The following HELZ variants were observed in gnomAD, a reference collection of about 807,000 sequenced individuals.
HELZ encodes helicase with zinc finger, also known as ATP-dependent RNA helicase with zinc finger domain.
Under a neutral mutation model 218.2 loss-of-function variants are expected in HELZ, and 23 were observed. That is an observed-to-expected ratio of 0.11 (90% CI 0.08 to 0.15). HELZ has a LOEUF of 0.15. HELZ is among the 10% of genes least tolerant of loss of function. The pLI, the probability that HELZ is intolerant of heterozygous loss-of-function variation, is 1.00. For missense variants in HELZ, 1,813 were observed against 2,353.7 expected (o/e 0.77, Z 4.75); for synonymous variants, 814 against 829.4 (o/e 0.98, Z 0.32).
chr17:67,099,241 A>C (rs768595861), intron 31 of HELZ, among the ~76,000 whole-genome samples: 2 of 152,072 alleles, frequency 1.3e-5, no homozygotes, highest in Non-Finnish European at 2.9e-5. Context: ...TTCTACATAC[A>C]TCTTCAGCCA....
intron 27 of HELZ, 25 bp from the exon 28 acceptor site, chr17:67,114,428 A>G (rs373479961): frequency 1.3e-5 from 19 of 1,420,298 alleles, no homozygotes; most frequent in East Asian, 4.6e-5. Context: ...AAAAATCCTT[A>G]TAAGTTTTCT....
intron 5 of HELZ, 23 bp downstream of exon 5, chr17:67,215,876 T>G (rs905504087): frequency 2.7e-6 from 4 of 1,480,080 alleles, no homozygotes; most frequent in Non-Finnish European, 3.8e-6. Context: ...ATTCAATAAT[T>G]CGAGTCTCAT....
intron 27 of HELZ, 42 bp downstream of exon 27, chr17:67,120,363 G>T: frequency 1.3e-6 from 2 of 1,500,076 alleles, no homozygotes; most frequent in Non-Finnish European, 1.9e-6. Flanking sequence ...AACTTTACCT[G>T]TCATCAGTTT....
chr17:67,158,870 G>A (rs1054964847), intron 17 of HELZ, among the ~76,000 whole-genome samples: 11 of 152,012 alleles, frequency 7.2e-5, no homozygotes, highest in African/African-American at 1.4e-4. Flanking sequence ...GTCGAGTGAC[G>A]GATTTAGTGT....
At chr17:67,184,091 T>C in intron 12 of HELZ, among the ~76,000 whole-genome samples, 1 of 152,160 alleles carries the variant, frequency 6.6e-6, no homozygotes, top group South Asian at 2.1e-4. Context: ...TTTAGTTCAA[T>C]ACTTAACAAT....
intron 3 of HELZ, among the ~76,000 whole-genome samples, chr17:67,235,996 C>T (rs906895883): frequency 6.6e-6 from 1 of 151,922 alleles, no homozygotes; most frequent in Non-Finnish European, 1.5e-5. Context: ...TCCTGACCTC[C>T]TGATCCGCCC....
rs2037165636 is a variant in HELZ at position 67,108,179 on chromosome 17, G to A, written c.4724+313C>T. Among the ~76,000 whole-genome samples the A allele has an allele frequency of 6.6e-6, 1 of 152,150 alleles. No homozygotes were observed. Among genetic ancestry groups the A allele is most frequent in the South Asian group, 2.1e-4 (1 of 4,826 alleles). On this transcript the variant is annotated intron_variant, in intron 30 of 32. Coordinates refer to ENST00000358691, the MANE Select transcript of HELZ (RefSeq NM_014877.4). This position sits in a 1 kb window ranked among gnomAD's most constrained non-coding sequence, Gnocchi z 4.1. The stretch of plus-strand genomic sequence containing the variant: ...TCCTGTCTTTATTCATTCTTTGCAA[G>A]TATTACTACTAAATAAAAAAAGCTG...
chr17:67,112,549 C>T (rs1866052977), intron 28 of HELZ, among the ~76,000 whole-genome samples: 1 of 152,228 alleles, frequency 6.6e-6, no homozygotes, highest in African/African-American at 2.4e-5. Context: ...ATTTGTACTG[C>T]AGCCCCTCCA....
At chr17:67,238,577 G>A (rs1004670537) in intron 3 of HELZ, among the ~76,000 whole-genome samples, 1 of 151,842 alleles carries the variant, frequency 6.6e-6, no homozygotes, top group Non-Finnish European at 1.5e-5. Context: ...AGCTACTCAG[G>A]AGGCTGAGGC....
intron 3 of HELZ, among the ~76,000 whole-genome samples, chr17:67,237,191 A>C (rs146255199): frequency 7.9e-5 from 12 of 152,274 alleles, no homozygotes; most frequent in Admixed American, 3.3e-4. Flanking sequence ...AGGCTGAGGC[A>C]AGAGAATCGC....
chr17:67,184,904 A>G (rs1290443513), intron 12 of HELZ, among the ~76,000 whole-genome samples: 5 of 152,190 alleles, frequency 3.3e-5, no homozygotes, highest in Non-Finnish European at 5.9e-5. Flanking sequence ...TTCCTTGTGT[A>G]TGCAAAAACC....
intron 17 of HELZ, 138 bp from the exon 18 acceptor site, chr17:67,151,362 A>G (rs971009177): frequency 1.2e-5 from 8 of 676,022 alleles, no homozygotes; most frequent in African/African-American, 1.8e-5. Flanking sequence ...TTAGCACTCT[A>G]TTGAATTAGA....
chr17:67,234,172 A>G (rs1030273217), intron 3 of HELZ, among the ~76,000 whole-genome samples: 3 of 151,410 alleles, frequency 2.0e-5, no homozygotes, highest in Non-Finnish European at 4.4e-5. Flanking sequence ...AAAATACAAA[A>G]ATTAGGTGGG....
intron 7 of HELZ, among the ~76,000 whole-genome samples, chr17:67,198,315 C>T (rs751557951): frequency 6.6e-6 from 1 of 152,166 alleles, no homozygotes; most frequent in African/African-American, 2.4e-5. Context: ...AGTGACGACC[C>T]GCACGGGCCT....
chr17:67,169,882 A>G (rs1242159441), intron 13 of HELZ, among the ~76,000 whole-genome samples: 1 of 152,214 alleles, frequency 6.6e-6, no homozygotes, highest in African/African-American at 2.4e-5. Context: ...CACAGGATAA[A>G]CATTCCCATT....
At chr17:67,199,210 C>CTTTTTTTT (rs1156398239) in intron 7 of HELZ, among the ~76,000 whole-genome samples, 1 of 122,982 alleles carries the variant, frequency 8.1e-6, no homozygotes, top group Non-Finnish European at 1.7e-5. Context: ...TTTGCCATTA[C>CTTTTTTTT]TTTTTTTTTT....
chr17:67,175,416 ACAAT>A (rs1228480406), intron 13 of HELZ, among the ~76,000 whole-genome samples: 2 of 152,218 alleles, frequency 1.3e-5, no homozygotes, highest in East Asian at 3.8e-4. Context: ...TAAAGAATTA[ACAAT>A]CAAATGTAAA....
intron 24 of HELZ, among the ~76,000 whole-genome samples, chr17:67,125,896 G>C (rs933465065): frequency 1.3e-5 from 2 of 152,148 alleles, no homozygotes; most frequent in Non-Finnish European, 2.9e-5. Flanking sequence ...CCAGGGAAAG[G>C]AGGATTCAAT....
intron 17 of HELZ, among the ~76,000 whole-genome samples, chr17:67,151,689 A>C (rs1174473118): frequency 6.6e-6 from 1 of 152,234 alleles, no homozygotes; most frequent in Non-Finnish European, 1.5e-5. Flanking sequence ...TTTTCATTTT[A>C]TTTTAGAATA....
Sources: gnomAD v4.1 joint callset for allele counts (sites outside exome capture counted in the v4.1 genomes callset) on GRCh38, gnomAD v4.1.1 for gene constraint, Gnocchi (gnomAD v3.1) non-coding constraint, MANE v1.5 for transcripts, NCBI Gene and HGNC (gene_info 2026-07-23, HGNC 2026-07-21) for gene names.